The following UNC5D variants were observed in gnomAD, a reference collection of about 807,000 sequenced individuals.
The protein encoded by UNC5D is unc-5 netrin receptor D, also known as netrin receptor UNC5D.
In UNC5D, 39 loss-of-function variants were observed where a neutral mutation model predicts 105.4. The ratio of observed to expected loss-of-function variants is 0.37; its 90% confidence interval spans 0.29 to 0.48. The LOEUF (loss-of-function observed/expected upper bound fraction) is 0.48. Ranked by LOEUF, UNC5D falls within the 20% of genes least tolerant of loss-of-function variation. UNC5D has a pLI of 0.98. For synonymous variants in UNC5D, 452 were observed against 450.4 expected (o/e 1.00, Z -0.04); for missense variants, 991 against 1,202.4 (o/e 0.82, Z 2.60).
chr8:35,363,220 T>C (rs1057075132), intron 1 of UNC5D, among the ~76,000 whole-genome samples: 5 of 152,150 alleles, frequency 3.3e-5, no homozygotes, highest in African/African-American at 1.2e-4. Flanking sequence ...TACAGTTCCA[T>C]GTGTCTTGGG....
intron 8 of UNC5D, among the ~76,000 whole-genome samples, chr8:35,719,043 G>A (rs1025725285): frequency 6.6e-6 from 1 of 152,056 alleles, no homozygotes; most frequent in Non-Finnish European, 1.5e-5. Context: ...TCCCAGGAAT[G>A]AGGGGCGGAG....
intron 1 of UNC5D, among the ~76,000 whole-genome samples, chr8:35,428,000 A>C (rs1806359882): frequency 1.3e-5 from 2 of 152,202 alleles, no homozygotes; most frequent in African/African-American, 4.8e-5. Context: ...CTTGAAAGAA[A>C]TATTTTGTGG....
chr8:35,683,330 T>C (rs1825798256), intron 4 of UNC5D, among the ~76,000 whole-genome samples: 1 of 152,196 alleles, frequency 6.6e-6, no homozygotes, highest in South Asian at 2.1e-4. Flanking sequence ...TTGTGTTCTT[T>C]TCCTGCTCCC....
chr8:35,730,053 C>T (rs753016904), intron 10 of UNC5D, among the ~76,000 whole-genome samples: 16 of 152,294 alleles, frequency 1.1e-4, no homozygotes, highest in Admixed American at 2.0e-4. Flanking sequence ...TTTACATTAG[C>T]TCTAATGAAA....
intron 1 of UNC5D, among the ~76,000 whole-genome samples, chr8:35,519,065 T>G (rs568737481): frequency 1.3e-3 from 204 of 152,280 alleles, no homozygotes; most frequent in African/African-American, 4.7e-3. Flanking sequence ...TAAAATAACT[T>G]CTTCTAATCC....
chr8:35,776,834 T>C lies in UNC5D; in HGVS notation c.2657+2357T>C, dbSNP rs577742571. The stretch of plus-strand genomic sequence containing the variant: ...TCTACTTCTATCCTTAAATCTTATA[T>C]AGCCCGGCTCACATCTGTAATCCAA... On this transcript the variant is annotated intron_variant, in intron 16 of 16. Coordinates refer to ENST00000404895, the MANE Select transcript of UNC5D (RefSeq NM_080872.4). Among the ~76,000 whole-genome samples the C allele has an allele frequency of 4.6e-5, 7 of 152,324 alleles. No individual in the cohort carries two copies. In the East Asian group the frequency reaches 1.4e-3, roughly 29 times the overall value.
At chr8:35,710,501 C>T (rs1314220121) in intron 8 of UNC5D, among the ~76,000 whole-genome samples, 4 of 152,090 alleles carry the variant, frequency 2.6e-5, no homozygotes, top group African/African-American at 7.2e-5. Context: ...AGACAGCCGA[C>T]GTTGGCCAGA....
At chr8:35,523,919 C>T (rs1199723979) in intron 1 of UNC5D, among the ~76,000 whole-genome samples, 1 of 29,228 alleles carries the variant, frequency 3.4e-5, no homozygotes, top group Non-Finnish European at 6.7e-5. Flanking sequence ...GTCAACCAGA[C>T]AAACTGGTGG....
At chr8:35,571,372 A>G (rs571124548) in intron 3 of UNC5D, among the ~76,000 whole-genome samples, 2 of 152,338 alleles carry the variant, frequency 1.3e-5, no homozygotes, top group East Asian at 1.9e-4. Context: ...AATATTTGCA[A>G]CACATACTTA....
chr8:35,676,044 A>T (rs1381383787), intron 4 of UNC5D, among the ~76,000 whole-genome samples: 1 of 152,006 alleles, frequency 6.6e-6, no homozygotes, highest in Non-Finnish European at 1.5e-5. Context: ...CTTCCAGTGG[A>T]GGCTCCCTCT....
At chr8:35,484,059 T>A (rs1035877157) in intron 1 of UNC5D, among the ~76,000 whole-genome samples, 2 of 152,136 alleles carry the variant, frequency 1.3e-5, no homozygotes, top group South Asian at 4.1e-4. Context: ...CATATCTGGA[T>A]GATGACCCTT....
Position 35,750,738 on chromosome 8 carries a change from T to A in UNC5D, c.2092T>A (p.Cys698Ser), listed in dbSNP as rs1830241450. 1.2e-6 allele frequency: 2 copies of A among 1,614,070 alleles called. No homozygotes were observed. Among genetic ancestry groups the A allele is most frequent in the Admixed American group, 3.3e-5 (2 of 60,004 alleles). Residue 698 changes from cysteine (C) to serine (S), a missense_variant, in exon 13 of 17, where the codon TGC becomes AGC. Physicochemically the swap from Cys to Ser is moderately radical, Grantham distance 112. This residue lies in a region of UNC5D where 944 missense variants were observed against 1,131.6 expected (regional missense o/e 0.83). Transcript: ENST00000404895. The stretch of plus-strand genomic sequence containing the variant: ...GCAACTGAAGGTGGCGGTTTTTGGC[T>A]GCATGTCCTGTAACTCCCTGGATTA... ...VKQLKVAVFG[C>S]MSCNSLDYNL...
At chr8:35,503,063 C>T (rs760103085) in intron 1 of UNC5D, among the ~76,000 whole-genome samples, 26 of 152,220 alleles carry the variant, frequency 1.7e-4, no homozygotes, top group Middle Eastern at 3.4e-3. Context: ...CCCAGAACAA[C>T]GGATTCAAAA....
chr8:35,300,994 TA>T (rs570528945), intron 1 of UNC5D, among the ~76,000 whole-genome samples: 1 of 152,226 alleles, frequency 6.6e-6, no homozygotes, highest in South Asian at 2.1e-4. Flanking sequence ...TACATCCATG[TA>T]TTTCCTAGCT....
At chr8:35,683,773 AG>A in intron 5 of UNC5D, 46 bp downstream of exon 5, 1 of 1,427,008 alleles carries the variant, frequency 7.0e-7, no homozygotes, top group Non-Finnish European at 9.2e-7. Context: ...GGGCAGAAAG[AG>A]GTAGAGGGAT....
At chr8:35,299,150 A>T (rs979367427) in intron 1 of UNC5D, among the ~76,000 whole-genome samples, 3 of 152,160 alleles carry the variant, frequency 2.0e-5, no homozygotes, top group African/African-American at 7.2e-5. Context: ...TCTTCTGAGG[A>T]AGTAGAGTTG....
chr8:35,786,973 T>C (rs1181045120), intron 16 of UNC5D, among the ~76,000 whole-genome samples: 3 of 152,112 alleles, frequency 2.0e-5, no homozygotes, highest in African/African-American at 7.2e-5. Context: ...TGTGTGACAA[T>C]CAATCAAGTA....
intron 2 of UNC5D, among the ~76,000 whole-genome samples, chr8:35,551,328 T>C (rs1399241638): frequency 6.6e-6 from 1 of 152,146 alleles, no homozygotes; most frequent in Non-Finnish European, 1.5e-5. Flanking sequence ...TGGTATATAA[T>C]GAAGAGATGT....
chr8:35,641,434 G>A (rs1822734963), intron 4 of UNC5D, among the ~76,000 whole-genome samples: 1 of 149,730 alleles, frequency 6.7e-6, no homozygotes, highest in Non-Finnish European at 1.5e-5. Flanking sequence ...TAGGTCCACA[G>A]GGATGGGGTG....
Sources: gnomAD v4.1 joint callset for allele counts (sites outside exome capture counted in the v4.1 genomes callset) on GRCh38, gnomAD v4.1.1 for gene constraint, gnomAD v4.1.1 regional missense constraint, MANE v1.5 for transcripts, NCBI Gene and HGNC (gene_info 2026-07-23, HGNC 2026-07-21) for gene names.